ARHGAP15: variants seen among roughly 807,000 people sequenced by gnomAD.
ARHGAP15 encodes the protein rho GTPase-activating protein 15.
In ARHGAP15, 51 loss-of-function variants were observed where a neutral mutation model predicts 63.7. The observed-to-expected ratio is 0.80, with a 90% confidence interval of 0.64 to 1.01. ARHGAP15 has a LOEUF of 1.01. Ranked by LOEUF, ARHGAP15 falls within the 50% of genes least tolerant of loss-of-function variation. ARHGAP15 has a pLI of 0.00. For synonymous variants in ARHGAP15, 191 were observed against 193.8 expected (o/e 0.99, Z 0.12); for missense variants, 560 against 564.6 (o/e 0.99, Z 0.08).
Position 143,726,117 on chromosome 2 carries a change from G to A in ARHGAP15, c.1244+22593G>A, listed in dbSNP as rs575226823. The stretch of plus-strand genomic sequence containing the variant: ...CCAGATTATCACCAGGATCCATTTC[G>A]CATTGTGGTCAAGTGCATGATTAGC... On this transcript the variant is annotated intron_variant, in intron 13 of 13. Coordinates refer to ENST00000295095, the MANE Select transcript of ARHGAP15 (RefSeq NM_018460.4). 6.6e-5 allele frequency among the ~76,000 whole-genome samples: 10 copies of A among 152,234 alleles called. No individual in the cohort carries two copies. The South Asian group carries it at 2.1e-3, about 32-fold the overall frequency.
chr2:143,528,155 A>G (rs1187627416), intron 10 of ARHGAP15, among the ~76,000 whole-genome samples: 1 of 152,116 alleles, frequency 6.6e-6, no homozygotes, highest in Non-Finnish European at 1.5e-5. Context: ...GTCATATCCC[A>G]TTAGGCATTG....
chr2:143,418,384 A>T (rs1490880520), intron 6 of ARHGAP15, among the ~76,000 whole-genome samples: 1 of 152,204 alleles, frequency 6.6e-6, no homozygotes, highest in East Asian at 1.9e-4. Flanking sequence ...GGCTAAGTGT[A>T]AATATTCAAA....
At chr2:143,468,501 A>G (rs1265782078) in intron 8 of ARHGAP15, among the ~76,000 whole-genome samples, 1 of 152,140 alleles carries the variant, frequency 6.6e-6, no homozygotes, top group Non-Finnish European at 1.5e-5. Flanking sequence ...TATTCAACTA[A>G]TAAAACTGCT....
intron 6 of ARHGAP15, among the ~76,000 whole-genome samples, chr2:143,431,195 A>C (rs1186620288): frequency 6.6e-6 from 1 of 152,002 alleles, no homozygotes; most frequent in Non-Finnish European, 1.5e-5. Context: ...ACTGAAACCA[A>C]ATTATCACGG....
At chr2:143,668,875 T>A (rs1216089779) in intron 12 of ARHGAP15, among the ~76,000 whole-genome samples, 2 of 152,184 alleles carry the variant, frequency 1.3e-5, no homozygotes, top group Non-Finnish European at 2.9e-5. Context: ...AAAATTTGGT[T>A]CCAATAATAT....
At chr2:143,490,930 T>C (rs112566123) in intron 9 of ARHGAP15, among the ~76,000 whole-genome samples, 1 of 152,190 alleles carries the variant, frequency 6.6e-6, no homozygotes, top group African/African-American at 2.4e-5. Flanking sequence ...ACCTGGCCCA[T>C]ATTTTCTAAT....
intron 10 of ARHGAP15, among the ~76,000 whole-genome samples, chr2:143,524,011 T>C (rs1324599580): frequency 6.6e-6 from 1 of 152,162 alleles, no homozygotes; most frequent in East Asian, 1.9e-4. Flanking sequence ...ACAAGAAGTT[T>C]GCCCTTTCTG....
At chr2:143,446,464 A>G (rs1290821795) in intron 8 of ARHGAP15, among the ~76,000 whole-genome samples, 1 of 152,008 alleles carries the variant, frequency 6.6e-6, no homozygotes, top group Non-Finnish European at 1.5e-5. Context: ...TAATATCTTC[A>G]TTATTTTATT....
intron 6 of ARHGAP15, among the ~76,000 whole-genome samples, chr2:143,330,904 T>C (rs1684520627): frequency 1.3e-5 from 2 of 152,242 alleles, no homozygotes; most frequent in Non-Finnish European, 2.9e-5. Flanking sequence ...TTATGAAGGA[T>C]GTTGAAGTAA....
At chr2:143,680,691 GT>G (rs2105370335) in intron 12 of ARHGAP15, among the ~76,000 whole-genome samples, 1 of 152,318 alleles carries the variant, frequency 6.6e-6, no homozygotes, top group East Asian at 1.9e-4. Flanking sequence ...ACACGTTCTA[GT>G]TTTCCTGTAC....
intron 11 of ARHGAP15, among the ~76,000 whole-genome samples, chr2:143,611,232 T>C (rs1442841273): frequency 6.6e-6 from 1 of 152,194 alleles, no homozygotes; most frequent in African/African-American, 2.4e-5. Context: ...TAAAAATGAT[T>C]CTGTTATTAG....
intron 13 of ARHGAP15, among the ~76,000 whole-genome samples, chr2:143,731,137 A>G (rs1685515995): frequency 6.6e-6 from 1 of 152,106 alleles, no homozygotes; most frequent in Non-Finnish European, 1.5e-5. Context: ...CATTTCAAAG[A>G]TGAGCAAACT....
intron 5 of ARHGAP15, chr2:143,235,860 T>G: frequency 7.0e-7 from 1 of 1,436,744 alleles, no homozygotes; most frequent in Non-Finnish European, 9.2e-7. Flanking sequence ...ACTTTCCTAT[T>G]TTAGTATCAG....
At chr2:143,508,167 C>A (rs1479325158) in intron 9 of ARHGAP15, among the ~76,000 whole-genome samples, 7 of 152,190 alleles carry the variant, frequency 4.6e-5, no homozygotes, top group African/African-American at 7.2e-5. Context: ...CTCAGCCATA[C>A]TTCCTCTTGT....
intron 9 of ARHGAP15, among the ~76,000 whole-genome samples, chr2:143,492,751 G>A (rs116046109): frequency 0.018 from 2,663 of 152,054 alleles, 39 homozygotes; most frequent in African/African-American, 0.041. Context: ...GACAGAGTGA[G>A]ACTCCCTTTC....
rs79440190 is a variant in ARHGAP15, at chr2:143,202,216, T to A, written c.234+14T>A. The A allele has an allele frequency of 2.0e-3, 3,252 of 1,595,336 alleles. 67 individuals carry two copies. In the African/African-American group the frequency reaches 0.039, roughly 19 times the overall value. On this transcript the variant is annotated intron_variant, in intron 3 of 13. Coordinates refer to ENST00000295095, the MANE Select transcript of ARHGAP15 (RefSeq NM_018460.4). ...TTGGAACAACTGGTGAGTGTTTAAG[T>A]CATTATATTCTTCATCTACTGATAC...
At chr2:143,240,235 ATTG>A (rs945446597) in intron 5 of ARHGAP15, among the ~76,000 whole-genome samples, 2 of 151,916 alleles carry the variant, frequency 1.3e-5, no homozygotes, top group African/African-American at 4.8e-5. Context: ...TTTAAAAAAT[ATTG>A]TTTACTTTCA....
rs190605415 is a variant in ARHGAP15, at chr2:143,328,273, A to C, written c.474+77673A>C. ...TACCCAATTAATTATAAATCATTCT[A>C]TAAAGACACATGCACATGTATGTTT... On this transcript the variant is annotated intron_variant, in intron 6 of 13. Coordinates refer to ENST00000295095, the MANE Select transcript of ARHGAP15 (RefSeq NM_018460.4). Among the ~76,000 whole-genome samples the C allele has an allele frequency of 2.1e-3, 316 of 152,290 alleles. 1 individual carries two copies. Among genetic ancestry groups the C allele is most frequent in the African/African-American group, 7.3e-3 (305 of 41,562 alleles).
intron 13 of ARHGAP15, among the ~76,000 whole-genome samples, chr2:143,763,893 T>A (rs929907978): frequency 6.6e-6 from 1 of 150,856 alleles, no homozygotes; most frequent in African/African-American, 2.4e-5. Flanking sequence ...TATCTAACTT[T>A]CTTTCTTAAT....
Sources: allele counts gnomAD v4.1 joint callset (sites outside exome capture counted in the v4.1 genomes callset), GRCh38; gene constraint gnomAD v4.1.1; transcripts MANE v1.5; gene names NCBI Gene and HGNC (gene_info 2026-07-23, HGNC 2026-07-21).